Variants in PDE7B observed in about 807,000 individuals in gnomAD.
PDE7B encodes the protein 3',5'-cyclic-AMP phosphodiesterase 7B.
PDE7B carries 29 observed loss-of-function variants against 56.2 expected under a neutral mutation model. The ratio of observed to expected loss-of-function variants is 0.52; its 90% confidence interval spans 0.38 to 0.70. The LOEUF is 0.70. Among genes scored for constraint, PDE7B ranks in the 30% least tolerant of loss-of-function variants. PDE7B has a pLI of 0.00. For missense variants in PDE7B, 490 were observed against 565.0 expected (o/e 0.87, Z 1.35); for synonymous variants, 197 against 196.9 (o/e 1.00, Z 0.00).
At chr6:136,083,371 G>T (rs1777236548) in intron 2 of PDE7B, among the ~76,000 whole-genome samples, 1 of 152,198 alleles carries the variant, frequency 6.6e-6, no homozygotes, top group African/African-American at 2.4e-5. Context: ...AAGTACCTGA[G>T]CATGTGCGCA....
intron 2 of PDE7B, among the ~76,000 whole-genome samples, chr6:136,000,952 G>A (rs1234309810): frequency 6.6e-6 from 1 of 152,184 alleles, no homozygotes; most frequent in Non-Finnish European, 1.5e-5. Context: ...GCACCCCCCA[G>A]TAGGGGCAGA....
chr6:136,188,916 C>T (rs947325468), intron 12 of PDE7B, among the ~76,000 whole-genome samples: 14 of 152,124 alleles, frequency 9.2e-5, no homozygotes, highest in African/African-American at 1.2e-4. Context: ...TCTGCCAGCT[C>T]GTAGAGGTTG....
intron 3 of PDE7B, among the ~76,000 whole-genome samples, chr6:136,134,134 G>A (rs1778168979): frequency 2.0e-5 from 3 of 152,100 alleles, no homozygotes; most frequent in Admixed American, 6.6e-5. Context: ...AGGTGAGATA[G>A]ATTGAAAGGG....
chr6:135,994,517 G>A (rs1250981469), intron 2 of PDE7B, among the ~76,000 whole-genome samples: 1 of 152,114 alleles, frequency 6.6e-6, no homozygotes, highest in Non-Finnish European at 1.5e-5. Flanking sequence ...AATGGATTCA[G>A]AGTTAGAAAG....
intron 8 of PDE7B, among the ~76,000 whole-genome samples, chr6:136,157,437 G>A (rs1392574404): frequency 6.6e-6 from 1 of 152,150 alleles, no homozygotes; most frequent in East Asian, 1.9e-4. Context: ...AATTAGCTGG[G>A]CATCGTGGCA....
chr6:135,878,237 TAATA>T (rs918447188), intron 1 of PDE7B, among the ~76,000 whole-genome samples: 6 of 152,246 alleles, frequency 3.9e-5, no homozygotes, highest in African/African-American at 1.4e-4. Context: ...GATATTTGTT[TAATA>T]AATCATTTAC....
At chr6:136,124,565 G>A (rs1295199385) in intron 3 of PDE7B, among the ~76,000 whole-genome samples, 1 of 152,174 alleles carries the variant, frequency 6.6e-6, no homozygotes, top group Non-Finnish European at 1.5e-5. Context: ...GAGTAATGCT[G>A]TGCCCTCAGC....
chr6:135,966,940 G>A (rs1449786578), intron 2 of PDE7B, among the ~76,000 whole-genome samples: 1 of 152,036 alleles, frequency 6.6e-6, no homozygotes, highest in African/African-American at 2.4e-5. Context: ...AATGAGTGTG[G>A]CCCCATCTCC....
chr6:135,984,119 G>A (rs1279451015), intron 2 of PDE7B, among the ~76,000 whole-genome samples: 1 of 152,198 alleles, frequency 6.6e-6, no homozygotes, highest in Non-Finnish European at 1.5e-5. Flanking sequence ...TGGGGAAAGA[G>A]GAATGCTTTG....
chr6:135,891,195 T>G (rs1167749657), intron 1 of PDE7B, among the ~76,000 whole-genome samples: 1 of 152,188 alleles, frequency 6.6e-6, no homozygotes, highest in Non-Finnish European at 1.5e-5. Flanking sequence ...AACTATAATA[T>G]TGTTCTGTTT....
chr6:135,892,362 G>A (rs878978895), intron 1 of PDE7B, among the ~76,000 whole-genome samples: 1 of 152,038 alleles, frequency 6.6e-6, no homozygotes, highest in Admixed American at 6.6e-5. Flanking sequence ...CTTCCCAAGT[G>A]GCATTATTAA....
intron 2 of PDE7B, among the ~76,000 whole-genome samples, chr6:135,975,113 G>C (rs1775160765): frequency 6.6e-6 from 1 of 152,028 alleles, no homozygotes; most frequent in Non-Finnish European, 1.5e-5. Flanking sequence ...AGGGAATGCA[G>C]GCTCTGTGTG....
chr6:136,056,411 C>A (rs895980318), intron 2 of PDE7B, among the ~76,000 whole-genome samples: 2 of 149,870 alleles, frequency 1.3e-5, no homozygotes, highest in African/African-American at 4.9e-5. Flanking sequence ...GTTCTTTCTG[C>A]AGTTCTTGCT....
At chr6:135,968,870 A>C (rs1775044203) in intron 2 of PDE7B, among the ~76,000 whole-genome samples, 1 of 152,218 alleles carries the variant, frequency 6.6e-6, no homozygotes, top group Admixed American at 6.5e-5. Flanking sequence ...TCACAATAGC[A>C]AAGATGAAAT....
chr6:135,956,035 G>C (rs1378154540), intron 2 of PDE7B, among the ~76,000 whole-genome samples: 1 of 152,162 alleles, frequency 6.6e-6, no homozygotes, highest in African/African-American at 2.4e-5. Context: ...ATCACCCAGG[G>C]AAAGGTGAGG....
At position 135,860,048 on chromosome 6, in the gene PDE7B, A is replaced by G. The variant is rs142195456; in HGVS notation, c.21+8029A>G. The stretch of plus-strand genomic sequence containing the variant: ...AAGTTATTTAACATTTTTAGATTTC[A>G]GGTGTCTAAAATGTAAATGTAAACC... On this transcript the variant is annotated intron_variant, in intron 1 of 12. Transcript: ENST00000308191. Among the ~76,000 whole-genome samples the G allele has an allele frequency of 1.1e-4, 16 of 152,196 alleles. No homozygotes were observed. The East Asian group carries it at 2.7e-3, about 26-fold the overall frequency.
intron 2 of PDE7B, among the ~76,000 whole-genome samples, chr6:135,989,211 TA>T (rs1775431812): frequency 6.6e-6 from 1 of 152,228 alleles, no homozygotes; most frequent in Non-Finnish European, 1.5e-5. Flanking sequence ...AATGGTTGAC[TA>T]AACTTACTAG....
At chr6:136,084,647 A>G (rs1777259142) in intron 2 of PDE7B, among the ~76,000 whole-genome samples, 2 of 152,194 alleles carry the variant, frequency 1.3e-5, no homozygotes, top group South Asian at 4.1e-4. Flanking sequence ...TTTTGTAAGT[A>G]TAGTGTTCTT....
Position 135,902,416 on chromosome 6 carries a change from C to T in PDE7B, c.22-45048C>T, listed in dbSNP as rs927213024. ...TACACAATTTGTTCTTCTTTGTGCC[C>T]TGAGTCAGCAATAGACATAATGTGG... On this transcript the variant is annotated intron_variant, in intron 1 of 12. Transcript: ENST00000308191. Among the ~76,000 whole-genome samples the T allele has an allele frequency of 3.3e-5, 5 of 151,812 alleles. No individual in the cohort carries two copies. In the South Asian group the frequency reaches 8.3e-4, roughly 25 times the overall value.
Sources: gnomAD v4.1 joint callset for allele counts (sites outside exome capture counted in the v4.1 genomes callset) on GRCh38, gnomAD v4.1.1 for gene constraint, MANE v1.5 for transcripts, NCBI Gene and HGNC (gene_info 2026-07-23, HGNC 2026-07-21) for gene names.